Variants in ADK observed in about 807,000 individuals in gnomAD.
The protein encoded by ADK is adenosine kinase, also known as N6,N6-dimethyladenosine kinase.
In ADK, 24 loss-of-function variants were observed where a neutral mutation model predicts 44.7. The ratio of observed to expected loss-of-function variants is 0.54; its 90% CI spans 0.39 to 0.76. The LOEUF (loss-of-function observed/expected upper bound fraction) is 0.76. Ranked by LOEUF, ADK falls within the 30% of genes least tolerant of loss-of-function variation. The pLI, the probability that ADK is intolerant of heterozygous loss-of-function variation, is 0.00. For missense variants in ADK, 321 were observed against 425.1 expected, an observed-to-expected ratio of 0.76 and a Z score of 2.15; for synonymous variants, 128 against 142.6, an observed-to-expected ratio of 0.90 and a Z score of 0.73.
At chr10:74,490,382 C>T (rs1847432565) in intron 6 of ADK, among the ~76,000 whole-genome samples, 1 of 151,844 alleles carries the variant, frequency 6.6e-6, no homozygotes. Context: ...AGAATATTGC[C>T]AAGGATTTAC....
At chr10:74,640,468 C>T (rs1421412644) in intron 9 of ADK, among the ~76,000 whole-genome samples, 1 of 152,194 alleles carries the variant, frequency 6.6e-6, no homozygotes, top group Non-Finnish European at 1.5e-5. Flanking sequence ...AGGAAGCTTC[C>T]TCTTGTCTTC....
intron 8 of ADK, 31 bp downstream of exon 8, chr10:74,589,348 G>A (rs1449832425): frequency 6.2e-7 from 1 of 1,610,600 alleles, no homozygotes; most frequent in African/African-American, 1.3e-5. Flanking sequence ...ACACTAAACA[G>A]ATCCTAAAGG....
chr10:74,444,919 G>A (rs1221889436), intron 6 of ADK, among the ~76,000 whole-genome samples: 1 of 151,784 alleles, frequency 6.6e-6, no homozygotes, highest in Non-Finnish European at 1.5e-5. Context: ...TCTGATTTTA[G>A]TGGCACATAC....
intron 10 of ADK, among the ~76,000 whole-genome samples, chr10:74,686,273 G>A (rs1331562998): frequency 6.6e-6 from 1 of 152,172 alleles, no homozygotes; most frequent in East Asian, 1.9e-4. Context: ...AAAAGATGTG[G>A]TTTTAAGTCC....
At chr10:74,708,191 A>G (rs1856674504) in intron 10 of ADK, 130 bp from the exon 11 acceptor site, 2 of 988,970 alleles carry the variant, frequency 2.0e-6, no homozygotes, top group Non-Finnish European at 1.5e-6. Flanking sequence ...ACGGTAACGC[A>G]CAAGACTTTC....
At chr10:74,275,322 C>T (rs1001143460) in intron 3 of ADK, among the ~76,000 whole-genome samples, 6 of 151,970 alleles carry the variant, frequency 3.9e-5, no homozygotes, top group Non-Finnish European at 7.4e-5. Context: ...GTGGGGGACA[C>T]GACAAGTTAG....
intron 10 of ADK, among the ~76,000 whole-genome samples, chr10:74,699,140 A>G (rs1856315860): frequency 8.0e-6 from 1 of 125,130 alleles, no homozygotes; most frequent in Non-Finnish European, 1.6e-5. Flanking sequence ...TGAGCCACCC[A>G]ACCTAGCCTT....
At chr10:74,457,821 A>T (rs1488902192) in intron 6 of ADK, among the ~76,000 whole-genome samples, 2 of 152,186 alleles carry the variant, frequency 1.3e-5, no homozygotes, top group Non-Finnish European at 2.9e-5. Flanking sequence ...GAACAATGAG[A>T]ACACATGAAC....
Position 74,177,945 on chromosome 10 carries a change from A to ATATATATT in ADK, c.66-22818_66-22817insATATATTT, listed in dbSNP as rs10693309. 6.8e-3 allele frequency among the ~76,000 whole-genome samples: 745 copies of ATATATATT among 108,898 alleles called. 3 individuals are homozygous for ATATATATT. The highest frequency in any genetic ancestry group is 9.0e-3 in the Non-Finnish European group (485 of 54,148). 71.4% of individuals were successfully genotyped at this position (108,898 alleles called of 152,430 possible). On this transcript the variant is annotated intron_variant, in intron 1 of 10. Transcript: ENST00000539909. ...TAATTATATATATATATATATATATATTTTTTTTTTTTTGAGACAGAGTTT... is the reference window on the plus strand; with the variant it reads ...TAATTATATATATATATATATATATATATATATTTTTTTTTTTTTTTGAGACAGAGTTT...
In ADK at chr10:74,666,830, C is replaced by CT. The variant is rs11317030; in HGVS notation, c.878-3333dup. 4.8e-3 allele frequency among the ~76,000 whole-genome samples: 524 copies of CT among 109,014 alleles called. 4 individuals carry two copies. Among genetic ancestry groups the CT allele is most frequent in the East Asian group, 0.018 (81 of 4,464 alleles). The allele number at this position is 109,014 out of a possible 152,430, so 71.5% of individuals were successfully genotyped here. A position where few individuals can be genotyped will look rare whatever the true frequency, so the allele number is the denominator to read the frequency against. On this transcript the variant is annotated intron_variant, in intron 9 of 10. Coordinates refer to ENST00000539909, the MANE Select transcript of ADK (RefSeq NM_006721.4). ...CCGGTAAAAACTGTTAGTTTTGTGA[C>CT]TTTTTTTTTTTTTTTTTTTTGAGAC...
chr10:74,499,882 CA>C (rs146664313), intron 6 of ADK, among the ~76,000 whole-genome samples: 1 of 152,168 alleles, frequency 6.6e-6, no homozygotes, highest in East Asian at 1.9e-4. Flanking sequence ...TAGGTTGTCT[CA>C]CTAATTATGG....
At chr10:74,314,267 T>A (rs1840543851) in intron 3 of ADK, among the ~76,000 whole-genome samples, 1 of 152,094 alleles carries the variant, frequency 6.6e-6, no homozygotes, top group African/African-American at 2.4e-5. Flanking sequence ...ACTCTGTTAG[T>A]TGTCTGGAAT....
At position 74,591,845 on chromosome 10, in the gene ADK, C is replaced by T. The variant is rs561320632; in HGVS notation, c.762+2528C>T. Among the ~76,000 whole-genome samples the T allele has an allele frequency of 2.6e-5, 4 of 152,228 alleles. No individual in the cohort carries two copies. In the South Asian group the frequency reaches 6.2e-4, roughly 24 times the overall value. ...TCCATCAGTGCCGCTGTCCTACCCT[C>T]ATTTTCTCCTATAAATCCCAATCAG... On this transcript the variant is annotated intron_variant, in intron 8 of 10. Coordinates refer to ENST00000539909, the MANE Select transcript of ADK (RefSeq NM_006721.4).
At chr10:74,673,981 C>G (rs1048706292) in intron 10 of ADK, among the ~76,000 whole-genome samples, 3 of 152,170 alleles carry the variant, frequency 2.0e-5, no homozygotes, top group Non-Finnish European at 4.4e-5. Flanking sequence ...GCTGCTTCTC[C>G]TCTTCTTTCT....
At chr10:74,359,693 G>C (rs1484681184) in intron 4 of ADK, among the ~76,000 whole-genome samples, 4 of 152,156 alleles carry the variant, frequency 2.6e-5, no homozygotes, top group Admixed American at 6.5e-5. Flanking sequence ...CTGAGCAACA[G>C]AGAGAGATCT....
intron 1 of ADK, among the ~76,000 whole-genome samples, chr10:74,153,909 T>A (rs1841681712): frequency 6.6e-6 from 1 of 152,180 alleles, no homozygotes; most frequent in African/African-American, 2.4e-5. Flanking sequence ...GTCTTTCAAG[T>A]ACATGCTATT....
chr10:74,275,677 GAGACAGAGTCTCAC>G (rs1416416544), intron 3 of ADK, among the ~76,000 whole-genome samples: 1 of 150,728 alleles, frequency 6.6e-6, no homozygotes, highest in East Asian at 1.9e-4. Flanking sequence ...TTTCTTCTTT[GAGACAGAGTCTCAC>G]TCTGTCACCC....
intron 10 of ADK, among the ~76,000 whole-genome samples, chr10:74,700,960 G>C (rs911026798): frequency 1.3e-5 from 2 of 152,152 alleles, no homozygotes; most frequent in African/African-American, 4.8e-5. Flanking sequence ...CCCAAAGGGG[G>C]TAAAAAAGAG....
At chr10:74,645,107 C>A (rs1020929306) in intron 9 of ADK, among the ~76,000 whole-genome samples, 2 of 152,174 alleles carry the variant, frequency 1.3e-5, no homozygotes, top group Non-Finnish European at 2.9e-5. Context: ...TTGTATTCTT[C>A]TAATTTATTT....
Sources: gnomAD v4.1 joint callset for allele counts (sites outside exome capture counted in the v4.1 genomes callset) on GRCh38, gnomAD v4.1.1 for gene constraint, MANE v1.5 for transcripts, NCBI Gene and HGNC (gene_info 2026-07-23, HGNC 2026-07-21) for gene names.